The following MAP3K5 variants were observed in gnomAD, a reference collection of about 807,000 sequenced individuals.
The protein encoded by MAP3K5 is ASK-1.
MAP3K5 carries 56 observed loss-of-function variants against 158.7 expected under a neutral mutation model. That is an observed-to-expected ratio of 0.35 (90% CI 0.28 to 0.44). The LOEUF (loss-of-function observed/expected upper bound fraction) is 0.44. Ranked by LOEUF, MAP3K5 falls within the 20% of genes least tolerant of loss-of-function variation. MAP3K5 has a pLI of 1.00. For synonymous variants in MAP3K5, 579 were observed against 601.7 expected (o/e 0.96, Z 0.55); for missense variants, 1,294 against 1,674.8 (o/e 0.77, Z 3.97).
Position 136,705,125 on chromosome 6 carries a change from A to G in MAP3K5, c.597T>C (p.Ile199=). 8.2e-7 allele frequency: 1 copy of G among 1,223,216 alleles called. No homozygotes were observed. The highest frequency in any genetic ancestry group is 1.1e-6 in the Non-Finnish European group (1 of 871,770). The allele number at this position is 1,223,216 out of a possible 1,614,324, so 75.8% of individuals were successfully genotyped here. A position where few individuals can be genotyped will look rare whatever the true frequency, so the allele number is the denominator to read the frequency against. ...SDSLQSLKEI[I]CQKNTMCTGN... is the part of the protein sequence containing the mutation. ...AAGTACTCACAGTATTCTTCTGGCA[A>G]ATTATTTCCTGAAAAACAAGAAAAA... Residue 199 remains isoleucine (I), a synonymous_variant, in exon 3 of 30, where the codon ATT becomes ATC. Coordinates refer to ENST00000359015, the MANE Select transcript of MAP3K5 (RefSeq NM_005923.4).
At chr6:136,754,591 AAAAG>A (rs56197087) in intron 1 of MAP3K5, among the ~76,000 whole-genome samples, 2 of 149,972 alleles carry the variant, frequency 1.3e-5, no homozygotes, top group Non-Finnish European at 3.0e-5. Flanking sequence ...TCAAAAAAAA[AAAAG>A]AAAGAAAGAA....
intron 1 of MAP3K5, among the ~76,000 whole-genome samples, chr6:136,790,848 C>G (rs910024883): frequency 1.3e-5 from 2 of 152,186 alleles, no homozygotes; most frequent in Admixed American, 1.3e-4. Flanking sequence ...CTAACATTTG[C>G]TAACAGCTAA....
intron 3 of MAP3K5, among the ~76,000 whole-genome samples, chr6:136,700,723 CAT>C (rs1780816159): frequency 6.6e-6 from 1 of 152,030 alleles, no homozygotes; most frequent in African/African-American, 2.4e-5. Context: ...GTGATTGAAA[CAT>C]AAAATAGTTT....
chr6:136,682,046 C>T (rs892911150), intron 7 of MAP3K5, among the ~76,000 whole-genome samples: 20 of 152,316 alleles, frequency 1.3e-4, no homozygotes, highest in African/African-American at 4.8e-4. Context: ...TTCCAGGGCA[C>T]TTGTTTACAA....
At chr6:136,590,075 C>T (rs1341660841) in intron 23 of MAP3K5, among the ~76,000 whole-genome samples, 2 of 152,132 alleles carry the variant, frequency 1.3e-5, no homozygotes, top group Non-Finnish European at 2.9e-5. Context: ...TGGGTTAGTT[C>T]TCAGGAAAGC....
chr6:136,649,993 T>C (rs1246295770), intron 11 of MAP3K5, among the ~76,000 whole-genome samples: 1 of 152,222 alleles, frequency 6.6e-6, no homozygotes, highest in Admixed American at 6.5e-5. Context: ...TACTTCCTGC[T>C]TCCACTTCCT....
At chr6:136,629,397 A>T (rs1468535701) in intron 14 of MAP3K5, 1 of 152,124 alleles carries the variant, frequency 6.6e-6, no homozygotes, top group Non-Finnish European at 1.5e-5. Context: ...AATGCCAAAA[A>T]CACTGCAGGT....
At chr6:136,644,843 C>T (rs971550926) in intron 11 of MAP3K5, among the ~76,000 whole-genome samples, 6 of 152,142 alleles carry the variant, frequency 3.9e-5, no homozygotes, top group Non-Finnish European at 5.9e-5. Context: ...TGAGGTGCTT[C>T]TTGGAATAGC....
intron 7 of MAP3K5, among the ~76,000 whole-genome samples, chr6:136,670,880 G>C (rs1779453564): frequency 2.0e-5 from 3 of 152,136 alleles, no homozygotes; most frequent in Middle Eastern, 3.4e-3. Flanking sequence ...TGATTAAAAA[G>C]CATTTTTTAA....
intron 2 of MAP3K5, among the ~76,000 whole-genome samples, chr6:136,711,605 G>A (rs1781310664): frequency 1.3e-5 from 2 of 151,756 alleles, no homozygotes; most frequent in Non-Finnish European, 2.9e-5. Flanking sequence ...GGTGGAGGTT[G>A]CACTGAGCCA....
intron 1 of MAP3K5, among the ~76,000 whole-genome samples, chr6:136,785,472 C>T (rs996341330): frequency 6.6e-6 from 1 of 152,146 alleles, no homozygotes; most frequent in Non-Finnish European, 1.5e-5. Context: ...AAGGCCCGGG[C>T]GGATGTGAAG....
Position 136,737,635 on chromosome 6 carries a change from C to A in MAP3K5, c.449-17046G>T, listed in dbSNP as rs116017966. On this transcript the variant is annotated intron_variant, in intron 1 of 29. Coordinates refer to ENST00000359015, the MANE Select transcript of MAP3K5 (RefSeq NM_005923.4). ...GCCTCAGCTTCCATCCATCATAGCA[C>A]CATGGAATTAAGAACTCCCTTTACT... Among the ~76,000 whole-genome samples, 368 of 152,316 alleles carry A rather than the reference C, an allele frequency of 2.4e-3. 1 individual carries two copies. Among genetic ancestry groups the A allele is most frequent in the African/African-American group, 8.2e-3 (340 of 41,568 alleles).
chr6:136,596,982 G>T (rs149481968), intron 21 of MAP3K5, among the ~76,000 whole-genome samples: 1 of 152,184 alleles, frequency 6.6e-6, no homozygotes, highest in Non-Finnish European at 1.5e-5. Flanking sequence ...GGCTGCAAGA[G>T]AGGAGCCTGG....
At chr6:136,576,302 T>C (rs1158193724) in intron 25 of MAP3K5, among the ~76,000 whole-genome samples, 1 of 152,070 alleles carries the variant, frequency 6.6e-6, no homozygotes, top group Admixed American at 6.6e-5. Context: ...CATCACAAGG[T>C]GTTCCAGGTA....
At chr6:136,761,305 A>AAAC (rs1783746402) in intron 1 of MAP3K5, among the ~76,000 whole-genome samples, 1 of 151,522 alleles carries the variant, frequency 6.6e-6, no homozygotes, top group African/African-American at 2.4e-5. Flanking sequence ...AAAAAAAAAA[A>AAAC]AACGAACAGT....
Position 136,622,985 on chromosome 6 carries a change from C to T in MAP3K5, c.2017-4G>A. ...TTTCATCATATTCATAGTCATACTA[C>T]AAAAGGAAAAACGGGGAGAAAAGAT... On this transcript the variant is annotated splice_polypyrimidine_tract_variant and splice_region_variant and intron_variant, in intron 14 of 29. Coordinates refer to ENST00000359015, the MANE Select transcript of MAP3K5 (RefSeq NM_005923.4). 1 of 1,611,346 alleles carries T rather than the reference C, an allele frequency of 6.2e-7. No individual in the cohort carries two copies. Among genetic ancestry groups the T allele is most frequent in the Non-Finnish European group, 8.5e-7 (1 of 1,179,242 alleles).
chr6:136,583,207 A>T (rs1305021953), intron 24 of MAP3K5, among the ~76,000 whole-genome samples: 1 of 152,246 alleles, frequency 6.6e-6, no homozygotes, highest in African/African-American at 2.4e-5. Context: ...GGCATTTCTC[A>T]TATAGCATTA....
At chr6:136,664,929 T>C (rs1414363334) in intron 8 of MAP3K5, among the ~76,000 whole-genome samples, 2 of 152,124 alleles carry the variant, frequency 1.3e-5, no homozygotes, top group Non-Finnish European at 2.9e-5. Flanking sequence ...TGAGACTCTA[T>C]CTCAAAAAAT....
intron 1 of MAP3K5, among the ~76,000 whole-genome samples, chr6:136,738,945 C>T (rs968679416): frequency 2.9e-4 from 10 of 34,842 alleles, no homozygotes; most frequent in African/African-American, 2.0e-3. Flanking sequence ...CACGCGTGCA[C>T]ACACACACAC....
Sources: gnomAD v4.1 joint callset for allele counts (sites outside exome capture counted in the v4.1 genomes callset) on GRCh38, gnomAD v4.1.1 for gene constraint, MANE v1.5 for transcripts, NCBI Gene and HGNC (gene_info 2026-07-23, HGNC 2026-07-21) for gene names.